Variants in AMZ1 observed in about 807,000 individuals in gnomAD.
The protein encoded by AMZ1 is archaelysin family metallopeptidase 1.
AMZ1 carries 39 observed loss-of-function variants against 29.9 expected under a neutral mutation model. The observed-to-expected ratio is 1.30, with a 90% confidence interval of 1.01 to 1.70. The LOEUF (loss-of-function observed/expected upper bound fraction) is 1.70. Ranked by LOEUF, AMZ1 falls within the 40% of genes most tolerant of loss-of-function variation. AMZ1 has a pLI of 0.00. For missense variants in AMZ1, 1,041 were observed against 680.6 expected (o/e 1.53, Z -5.89); for synonymous variants, 458 against 304.0 (o/e 1.51, Z -5.27).
rs1370644479 is a variant in AMZ1, at chr7:2,718,248, GCT to G, written c.*5374_*5375del. Among the ~76,000 whole-genome samples the G allele has an allele frequency of 6.6e-6, 1 of 152,202 alleles. No individual in the cohort carries two copies. Among genetic ancestry groups the G allele is most frequent in the Non-Finnish European group, 1.5e-5 (1 of 68,036 alleles). On this transcript the variant is annotated 3_prime_UTR_variant, in exon 7 of 7. Coordinates refer to ENST00000683327, the MANE Select transcript of AMZ1 (RefSeq NM_001384743.1). ...GGCTCCTCTGATGCCGAGAGCTCTG[GCT>G]CTCCTGACTGTGGGCCCAGTGTCCA... is the stretch of plus-strand genomic sequence containing the variant.
downstream of AMZ1, among the ~76,000 whole-genome samples, chr7:2,721,746 G>A (rs1789430795): frequency 6.6e-6 from 1 of 151,650 alleles, no homozygotes; most frequent in Non-Finnish European, 1.5e-5. Flanking sequence ...CGGCGGGTGG[G>A]TGCCACACTC....
intron 1 of AMZ1, among the ~76,000 whole-genome samples, chr7:2,680,324 G>A (rs879520576): frequency 5.3e-5 from 8 of 152,100 alleles, no homozygotes; most frequent in Non-Finnish European, 1.2e-4. Context: ...CTGGGTCTCC[G>A]GCCCCACAGG....
At chr7:2,691,922 T>C (rs973214440) in intron 1 of AMZ1, among the ~76,000 whole-genome samples, 2 of 151,926 alleles carry the variant, frequency 1.3e-5, no homozygotes, top group African/African-American at 4.8e-5. Flanking sequence ...AGAGAAATAA[T>C]TGATAGGCCC....
upstream of AMZ1, among the ~76,000 whole-genome samples, chr7:2,759,819 TTTC>T (rs1171852687): frequency 6.6e-6 from 1 of 152,170 alleles, no homozygotes; most frequent in Non-Finnish European, 1.5e-5. Context: ...CTCCAGGCAG[TTTC>T]TGCAACGGGT....
upstream of AMZ1, among the ~76,000 whole-genome samples, chr7:2,683,208 G>T (rs535549536): frequency 6.6e-6 from 1 of 152,180 alleles, no homozygotes; most frequent in Admixed American, 6.6e-5. Flanking sequence ...ACAGCTGTGC[G>T]GCTTCAAACA....
upstream of AMZ1, among the ~76,000 whole-genome samples, chr7:2,759,860 C>T (rs774566649): frequency 4.1e-5 from 6 of 147,348 alleles, no homozygotes; most frequent in South Asian, 2.1e-4. Flanking sequence ...CGATTGTCCG[C>T]CCCCGTCTCA....
chr7:2,749,995 A>C (rs989721685), intron 4 of AMZ1, among the ~76,000 whole-genome samples: 9 of 152,250 alleles, frequency 5.9e-5, no homozygotes, highest in African/African-American at 2.2e-4. Flanking sequence ...TTTTAGAAGC[A>C]GAAAACTTTC....
At chr7:2,753,154 CTTTT>C (rs34424525) in intron 4 of AMZ1, among the ~76,000 whole-genome samples, 19 of 147,260 alleles carry the variant, frequency 1.3e-4, no homozygotes, top group East Asian at 3.9e-4. Context: ...CAGCATGCGG[CTTTT>C]TTTTTTTAAA....
At chr7:2,763,294 G>A (rs368620986), upstream of AMZ1, 2 of 198,984 alleles carry the variant, frequency 1.0e-5, no homozygotes, top group Admixed American at 6.4e-5. Flanking sequence ...GTGCTGTGAG[G>A]CTGAGACACA....
chr7:2,727,619 G>T (rs1789675506), intron 4 of AMZ1, among the ~76,000 whole-genome samples: 1 of 152,086 alleles, frequency 6.6e-6, no homozygotes, highest in Non-Finnish European at 1.5e-5. Context: ...CTCCCACCTT[G>T]GCCTCCCAAA....
intron 6 of AMZ1, among the ~76,000 whole-genome samples, chr7:2,710,492 TCCC>T (rs1032646304): frequency 5.9e-5 from 9 of 152,288 alleles, no homozygotes; most frequent in Middle Eastern, 3.4e-3. Context: ...TGCATCCTCC[TCCC>T]GCCCGTTGAG....
chr7:2,756,043 A>G (rs1028685146), intron 4 of AMZ1, among the ~76,000 whole-genome samples: 2 of 152,226 alleles, frequency 1.3e-5, no homozygotes, highest in African/African-American at 4.8e-5. Context: ...CGTTTTCATA[A>G]TACCAACTTT....
In AMZ1 at chr7:2,702,641, G is replaced by T. The variant is rs1039432101; in HGVS notation, c.305-81G>T. ...ATTGGCCTTGTTCACCCAGCAGGCC[G>T]GTGTCTGCGAGTGATTCCCGGGGAG... is the stretch of plus-strand genomic sequence containing the variant. On this transcript the variant is annotated intron_variant, in intron 2 of 6. Coordinates refer to ENST00000683327, the MANE Select transcript of AMZ1 (RefSeq NM_001384743.1). 3.1e-5 allele frequency: 44 copies of T among 1,432,416 alleles called. No individual in the cohort carries two copies. In the African/African-American group the frequency reaches 5.7e-4, roughly 19 times the overall value. 88.7% of individuals were successfully genotyped at this position (1,432,416 alleles called of 1,614,324 possible).
chr7:2,722,002 C>T (rs1194968615), downstream of AMZ1, among the ~76,000 whole-genome samples: 2 of 152,186 alleles, frequency 1.3e-5, no homozygotes, highest in Non-Finnish European at 2.9e-5. Flanking sequence ...GGCGCTGTAG[C>T]GACCGTCTTG....
upstream of AMZ1, among the ~76,000 whole-genome samples, chr7:2,761,384 A>C (rs1320993295): frequency 2.0e-5 from 3 of 152,256 alleles, no homozygotes; most frequent in African/African-American, 7.2e-5. Flanking sequence ...CCCTGAAACC[A>C]GACATCTGTG....
chr7:2,725,106 G>A (rs936576842), intron 4 of AMZ1, among the ~76,000 whole-genome samples: 1 of 152,226 alleles, frequency 6.6e-6, no homozygotes, highest in Non-Finnish European at 1.5e-5. Flanking sequence ...CCCTCCTGCT[G>A]GGTTCTGCGA....
intron 3 of AMZ1, among the ~76,000 whole-genome samples, chr7:2,703,151 TTTG>T (rs1444910641): frequency 1.1e-4 from 17 of 152,136 alleles, no homozygotes; most frequent in South Asian, 8.3e-4. Context: ...CCCTTCTTTT[TTTG>T]TTATTTTTTT....
At chr7:2,737,285 T>TTG (rs1790250646) in intron 4 of AMZ1, among the ~76,000 whole-genome samples, 2 of 45,176 alleles carry the variant, frequency 4.4e-5, no homozygotes, top group East Asian at 8.6e-4. Context: ...TTTTTTTTTT[T>TTG]TTTGTTTTTT....
chr7:2,729,596 A>G (rs1388903216), intron 4 of AMZ1: 2 of 152,318 alleles, frequency 1.3e-5, no homozygotes, highest in African/African-American at 2.4e-5. Context: ...ATCTGCCCCA[A>G]GGGCTTGCGT....
Sources: gnomAD v4.1 joint callset for allele counts (sites outside exome capture counted in the v4.1 genomes callset) on GRCh38, gnomAD v4.1.1 for gene constraint, MANE v1.5 for transcripts, NCBI Gene and HGNC (gene_info 2026-07-23, HGNC 2026-07-21) for gene names.